The following TNIK variants were observed in gnomAD, a reference collection of about 807,000 sequenced individuals.
The protein encoded by TNIK is TRAF2 and NCK-interacting protein kinase.
A neutral mutation model predicts 191.3 loss-of-function variants in TNIK; 49 were observed. The observed-to-expected ratio is 0.26, with a 90% confidence interval of 0.20 to 0.32. TNIK has a LOEUF of 0.32. Among genes scored for constraint, TNIK ranks in the 10% least tolerant of loss-of-function variants. The pLI is 1.00. For synonymous variants in TNIK, 594 were observed against 600.9 expected (o/e 0.99, Z 0.17); for missense variants, 1,155 against 1,702.3 (o/e 0.68, Z 5.66).
At chr3:171,327,125 T>C (rs1169573460) in intron 2 of TNIK, among the ~76,000 whole-genome samples, 1 of 152,044 alleles carries the variant, frequency 6.6e-6, no homozygotes, top group Non-Finnish European at 1.5e-5. Flanking sequence ...AATTAGGGGG[T>C]CTGTTATGCA....
intron 1 of TNIK, among the ~76,000 whole-genome samples, chr3:171,454,076 T>C (rs1172101477): frequency 6.6e-6 from 1 of 152,232 alleles, no homozygotes; most frequent in Non-Finnish European, 1.5e-5. Flanking sequence ...CAAACCAGTT[T>C]AGGCCCTGTT....
At chr3:171,151,237 C>G (rs987418706) in intron 12 of TNIK, among the ~76,000 whole-genome samples, 2 of 152,172 alleles carry the variant, frequency 1.3e-5, no homozygotes, top group Non-Finnish European at 2.9e-5. Context: ...TCTACACGAA[C>G]CTAAAGCTGG....
chr3:171,175,345 A>G lies in TNIK; in HGVS notation c.695-15T>C. 1 of 1,600,416 alleles carries G rather than the reference A, an allele frequency of 6.2e-7. No homozygotes were observed. Among genetic ancestry groups the G allele is most frequent in the African/African-American group, 1.3e-5 (1 of 74,606 alleles). Reference sequence around the variant, plus strand: ...GTCACAGAGAGCTGCAAGAGACCAAAACAAGGGCCAGCTACAGTTAGGAGG... The same window carrying G: ...GTCACAGAGAGCTGCAAGAGACCAAGACAAGGGCCAGCTACAGTTAGGAGG... On this transcript the variant is annotated splice_polypyrimidine_tract_variant and intron_variant, in intron 8 of 32. Transcript: ENST00000436636.
chr3:171,369,939 T>C (rs915625199), intron 1 of TNIK, among the ~76,000 whole-genome samples: 2 of 152,182 alleles, frequency 1.3e-5, no homozygotes, highest in African/African-American at 4.8e-5. Flanking sequence ...GAGATGCTTT[T>C]TCAAGTGAAA....
At chr3:171,256,146 G>A (rs1746837604) in intron 2 of TNIK, among the ~76,000 whole-genome samples, 1 of 152,062 alleles carries the variant, frequency 6.6e-6, no homozygotes, top group African/African-American at 2.4e-5. Context: ...TTTTGAGCAT[G>A]GCTGTTGTTT....
intron 4 of TNIK, among the ~76,000 whole-genome samples, chr3:171,210,047 A>C (rs1344156048): frequency 6.6e-6 from 1 of 152,216 alleles, no homozygotes; most frequent in Non-Finnish European, 1.5e-5. Context: ...TTTGTGTGTT[A>C]GGCACATACA....
At chr3:171,317,442 A>G (rs1754757048) in intron 2 of TNIK, among the ~76,000 whole-genome samples, 1 of 152,194 alleles carries the variant, frequency 6.6e-6, no homozygotes, top group African/African-American at 2.4e-5. Context: ...ATGGAGAGAC[A>G]TGTACTATGG....
intron 1 of TNIK, among the ~76,000 whole-genome samples, chr3:171,450,586 G>A (rs554110835): frequency 6.6e-6 from 1 of 152,322 alleles, no homozygotes; most frequent in South Asian, 2.1e-4. Context: ...GCCCTAGGCA[G>A]ACAGATAGAT....
chr3:171,194,569 A>G lies in TNIK; in HGVS notation c.373T>C (p.Leu125=), dbSNP rs1738440728. The G allele has an allele frequency of 6.2e-7, 1 of 1,613,862 alleles. No individual in the cohort carries two copies. The highest frequency in any genetic ancestry group is 8.5e-7 in the Non-Finnish European group (1 of 1,179,844). ...DLIKNTKGNT[L]KEEWIAYICR... is the part of the protein sequence containing the mutation. Reference sequence around the variant, plus strand: ...ATGTATGCAATCCACTCCTCTTTCAACGTGTTACCTTTTGTGTTCTTGATC... The same window carrying G: ...ATGTATGCAATCCACTCCTCTTTCAGCGTGTTACCTTTTGTGTTCTTGATC... Residue 125 remains leucine, a synonymous_variant, in exon 5 of 33, where the codon TTG becomes CTG. Transcript: ENST00000436636.
rs180883870 is a variant in TNIK at position 171,421,782 on chromosome 3, A to C, written c.57+38225T>G. Among the ~76,000 whole-genome samples the C allele has an allele frequency of 1.4e-3, 183 of 127,156 alleles. 1 individual carries two copies. The highest frequency in any genetic ancestry group is 5.6e-3 in the African/African-American group (177 of 31,428). 83.4% of individuals were successfully genotyped at this position (127,156 alleles called of 152,430 possible). On this transcript the variant is annotated intron_variant, in intron 1 of 32. Coordinates refer to ENST00000436636, the MANE Select transcript of TNIK (RefSeq NM_015028.4). ...AGTCTGGCTCTGTCACCCAGGCTGGACTACAATGGCGCAATCTCAGCTCAC... is the reference window on the plus strand; with the variant it reads ...AGTCTGGCTCTGTCACCCAGGCTGGCCTACAATGGCGCAATCTCAGCTCAC...
At chr3:171,092,794 GC>G (rs942642381) in intron 23 of TNIK, among the ~76,000 whole-genome samples, 6 of 152,170 alleles carry the variant, frequency 3.9e-5, no homozygotes, top group African/African-American at 1.2e-4. Context: ...AAAGTGAGAT[GC>G]CCTTTGCCTT....
intron 2 of TNIK, among the ~76,000 whole-genome samples, chr3:171,289,792 C>T (rs1013643752): frequency 6.6e-6 from 1 of 151,424 alleles, no homozygotes; most frequent in Non-Finnish European, 1.5e-5. Flanking sequence ...ATTCCAGCTA[C>T]TCGGGAGGCT....
chr3:171,242,911 T>G (rs188145980), intron 2 of TNIK, among the ~76,000 whole-genome samples: 8 of 152,318 alleles, frequency 5.3e-5, no homozygotes, highest in Non-Finnish European at 5.9e-5. Flanking sequence ...TAAAAAAATC[T>G]TTTTGAGAAG....
At chr3:171,380,706 C>CT (rs1280093038) in intron 1 of TNIK, among the ~76,000 whole-genome samples, 3 of 60,086 alleles carry the variant, frequency 5.0e-5, no homozygotes, top group Non-Finnish European at 1.3e-4. Context: ...TCCTTCTTTG[C>CT]CCTTTGCAGA....
At chr3:171,109,487 T>C (rs1490474966) in intron 19 of TNIK, among the ~76,000 whole-genome samples, 1 of 152,230 alleles carries the variant, frequency 6.6e-6, no homozygotes, top group Non-Finnish European at 1.5e-5. Flanking sequence ...ATGTTAGATA[T>C]CAAGCTTTTT....
chr3:171,209,892 G>A (rs1740580426), intron 4 of TNIK, among the ~76,000 whole-genome samples: 1 of 152,084 alleles, frequency 6.6e-6, no homozygotes, highest in African/African-American at 2.4e-5. Context: ...CTTCCCCACT[G>A]GATTGGAAAT....
intron 3 of TNIK, among the ~76,000 whole-genome samples, chr3:171,226,380 A>T (rs1742969367): frequency 6.6e-6 from 1 of 152,136 alleles, no homozygotes; most frequent in South Asian, 2.1e-4. Flanking sequence ...TTTGAACCAT[A>T]AAGCAACCTT....
At chr3:171,388,768 G>A (rs547604529) in intron 1 of TNIK, among the ~76,000 whole-genome samples, 2 of 152,202 alleles carry the variant, frequency 1.3e-5, no homozygotes, top group African/African-American at 2.4e-5. Context: ...CTCCCCAGCA[G>A]AGCTTAGTTG....
At chr3:171,289,252 C>G (rs1751407455) in intron 2 of TNIK, among the ~76,000 whole-genome samples, 1 of 152,184 alleles carries the variant, frequency 6.6e-6, no homozygotes, top group African/African-American at 2.4e-5. Context: ...TTCAACCTCT[C>G]TTGGCCTTTG....
Sources: gnomAD v4.1 joint callset for allele counts (sites outside exome capture counted in the v4.1 genomes callset) on GRCh38, gnomAD v4.1.1 for gene constraint, MANE v1.5 for transcripts, NCBI Gene and HGNC (gene_info 2026-07-23, HGNC 2026-07-21) for gene names.